Variants in ULK4 observed in about 807,000 individuals in gnomAD.
The protein encoded by ULK4 is unc-51 like kinase 4.
Under a neutral mutation model 160.6 loss-of-function variants are expected in ULK4, and 133 were observed. That is an observed-to-expected ratio of 0.83 (90% confidence interval 0.72 to 0.96). The LOEUF is 0.96. Ranked by LOEUF, ULK4 falls within the 40% of genes least tolerant of loss-of-function variation. ULK4 has a pLI of 0.00. For missense variants in ULK4, 1,580 were observed against 1,499.5 expected (o/e 1.05, Z -0.89); for synonymous variants, 534 against 539.8 (o/e 0.99, Z 0.15).
rs57400213 is a variant in ULK4 at position 41,488,979 on chromosome 3, T to C, written c.3227-25726A>G. Among the ~76,000 whole-genome samples, 720 of 152,184 alleles carry C rather than the reference T, an allele frequency of 4.7e-3. 3 individuals are homozygous for C. The highest frequency in any genetic ancestry group is 0.017 in the African/African-American group (695 of 41,510). ...AAACTCCTTCCTTCTCAGGAGCCCC[T>C]CTTGGTGAGCACCCCTCCCACTGAG... On this transcript the variant is annotated intron_variant, in intron 32 of 36. Coordinates refer to ENST00000301831, the MANE Select transcript of ULK4 (RefSeq NM_017886.4).
intron 32 of ULK4, among the ~76,000 whole-genome samples, chr3:41,523,307 A>C (rs905792796): frequency 3.3e-5 from 5 of 152,198 alleles, no homozygotes; most frequent in Non-Finnish European, 5.9e-5. Flanking sequence ...GAGAGAAGGA[A>C]GACATGAAGC....
intron 32 of ULK4, among the ~76,000 whole-genome samples, chr3:41,511,248 A>G (rs546079211): frequency 6.6e-6 from 1 of 152,026 alleles, no homozygotes. Flanking sequence ...AACAAGAACA[A>G]TTCAAACCAA....
intron 32 of ULK4, among the ~76,000 whole-genome samples, chr3:41,544,375 A>G (rs1632735): frequency 6.6e-6 from 1 of 151,988 alleles, no homozygotes; most frequent in African/African-American, 2.4e-5. Flanking sequence ...GGGGCTGTTT[A>G]TATGTGTTGG....
chr3:41,658,690 T>C (rs193025271), intron 30 of ULK4, among the ~76,000 whole-genome samples: 1 of 151,408 alleles, frequency 6.6e-6, no homozygotes, highest in Admixed American at 6.6e-5. Context: ...GGTCCAGAAA[T>C]GGTATAGACA....
At chr3:41,835,230 A>G (rs1261002998) in intron 18 of ULK4, among the ~76,000 whole-genome samples, 4 of 152,138 alleles carry the variant, frequency 2.6e-5, no homozygotes, top group Admixed American at 2.6e-4. Context: ...AAGAAATACA[A>G]TGACATAACC....
chr3:41,492,148 C>T (rs141343568), intron 32 of ULK4, among the ~76,000 whole-genome samples: 10,422 of 143,838 alleles, frequency 0.072, 524 homozygotes, highest in African/African-American at 0.1. Context: ...ACATTTGGGT[C>T]GGGTCCAAGT....
chr3:41,374,183 T>G (rs1336923444), intron 35 of ULK4, among the ~76,000 whole-genome samples: 1 of 152,166 alleles, frequency 6.6e-6, no homozygotes, highest in Admixed American at 6.6e-5. Context: ...ACTAGATAGA[T>G]TTACAGCTGA....
chr3:41,645,508 G>A (rs1015769688), intron 30 of ULK4, among the ~76,000 whole-genome samples: 1 of 152,160 alleles, frequency 6.6e-6, no homozygotes, highest in Admixed American at 6.5e-5. Flanking sequence ...GGTTTTCAGT[G>A]AGTTTCTTAA....
intron 19 of ULK4, among the ~76,000 whole-genome samples, chr3:41,810,493 T>C (rs1271006667): frequency 6.6e-6 from 1 of 152,204 alleles, no homozygotes; most frequent in Non-Finnish European, 1.5e-5. Context: ...GAATGTGGTC[T>C]GTTCTATTTC....
intron 35 of ULK4, among the ~76,000 whole-genome samples, chr3:41,394,971 T>C (rs1451467141): frequency 1.3e-5 from 2 of 151,940 alleles, no homozygotes; most frequent in Admixed American, 6.6e-5. Context: ...CAGAAGAGGG[T>C]AGAAAACAGT....
At chr3:41,626,529 C>CT (rs767066822) in intron 30 of ULK4, among the ~76,000 whole-genome samples, 11,143 of 134,954 alleles carry the variant, frequency 0.083, 820 homozygotes, top group African/African-American at 0.19. Context: ...AAGTACATTG[C>CT]TTTTTTTTTT....
intron 20 of ULK4, among the ~76,000 whole-genome samples, chr3:41,795,170 A>G (rs2040267031): frequency 6.6e-6 from 1 of 152,228 alleles, no homozygotes; most frequent in Admixed American, 6.5e-5. Context: ...CTTGCCAGGA[A>G]TGTGTGTGAA....
At chr3:41,734,200 A>G (rs1335315654) in intron 22 of ULK4, among the ~76,000 whole-genome samples, 1 of 152,170 alleles carries the variant, frequency 6.6e-6, no homozygotes, top group African/African-American at 2.4e-5. Flanking sequence ...AAAGTAGGTA[A>G]GCAGGGGACC....
At chr3:41,394,929 A>G (rs925197645) in intron 35 of ULK4, among the ~76,000 whole-genome samples, 2 of 152,112 alleles carry the variant, frequency 1.3e-5, no homozygotes, top group African/African-American at 4.8e-5. Flanking sequence ...AAGAGACATC[A>G]AAGAGTTAGA....
At chr3:41,956,180 A>C (rs964428093) in intron 1 of ULK4, among the ~76,000 whole-genome samples, 8 of 152,198 alleles carry the variant, frequency 5.3e-5, no homozygotes, top group Non-Finnish European at 1.2e-4. Flanking sequence ...ACTTCACCTT[A>C]GCATCTGACT....
At chr3:41,512,878 A>C (rs1382229402) in intron 32 of ULK4, among the ~76,000 whole-genome samples, 1 of 152,192 alleles carries the variant, frequency 6.6e-6, no homozygotes, top group Non-Finnish European at 1.5e-5. Flanking sequence ...TTCAAACTAT[A>C]CTATAAGGTA....
At chr3:41,474,501 C>A (rs1475620818) in intron 32 of ULK4, among the ~76,000 whole-genome samples, 1 of 146,062 alleles carries the variant, frequency 6.8e-6, no homozygotes, top group African/African-American at 2.8e-5. Context: ...AAAGCAAAAA[C>A]AGACAGATAC....
At chr3:41,258,625 A>G (rs1339370696) in intron 35 of ULK4, 7 of 152,164 alleles carry the variant, frequency 4.6e-5, no homozygotes, top group Admixed American at 2.0e-4. Flanking sequence ...GTGGATTTCA[A>G]TATTTCAAAA....
In ULK4 at chr3:41,444,620, T is replaced by G. The variant is rs994355992; in HGVS notation, c.3492+10877A>C. On this transcript the variant is annotated intron_variant, in intron 34 of 36. Transcript: ENST00000301831. ...TATTAAGACTCAATTTCCTCATTGA[T>G]GCACATAAAAACTTAACCATTAATT... 2.6e-5 allele frequency among the ~76,000 whole-genome samples: 4 copies of G among 152,286 alleles called. No individual in the cohort carries two copies. The South Asian group carries it at 6.2e-4, about 24-fold the overall frequency.
Sources: allele counts gnomAD v4.1 joint callset (sites outside exome capture counted in the v4.1 genomes callset), GRCh38; gene constraint gnomAD v4.1.1; transcripts MANE v1.5; gene names NCBI Gene and HGNC (gene_info 2026-07-23, HGNC 2026-07-21).